The following RB1 variants were observed in gnomAD, a reference collection of about 807,000 sequenced individuals.
RB1 encodes retinoblastoma-associated protein.
In RB1, 18 loss-of-function variants were observed where a neutral mutation model predicts 135.4. That is an observed-to-expected ratio of 0.13 (90% CI 0.09 to 0.20). RB1 has a LOEUF of 0.20. RB1 is among the 10% of genes least tolerant of loss of function. RB1 has a pLI of 1.00. For missense variants in RB1, 868 were observed against 1,110.0 expected (o/e 0.78, Z 3.10); for synonymous variants, 365 against 373.2 (o/e 0.98, Z 0.25).
chr13:48,453,535 A>T (rs1213581679), intron 18 of RB1, among the ~76,000 whole-genome samples: 2 of 152,038 alleles, frequency 1.3e-5, no homozygotes, highest in African/African-American at 4.8e-5. Context: ...GAAGTATGGG[A>T]TGTGGACTAA....
chr13:48,359,964 A>G (rs558976427), intron 6 of RB1, 53 bp from the exon 7 acceptor site: 1 of 1,602,096 alleles, frequency 6.2e-7, no homozygotes, highest in East Asian at 2.2e-5. Context: ...ATTTTCTCTC[A>G]TACAAAGATC....
chr13:48,362,015 T>G (rs1952646298), intron 7 of RB1, among the ~76,000 whole-genome samples: 1 of 150,384 alleles, frequency 6.6e-6, no homozygotes, highest in Non-Finnish European at 1.5e-5. Flanking sequence ...TGGCGCGATC[T>G]CAGCTCACTG....
intron 4 of RB1, among the ~76,000 whole-genome samples, chr13:48,347,172 G>A (rs1206869627): frequency 6.6e-6 from 1 of 152,070 alleles, no homozygotes; most frequent in Non-Finnish European, 1.5e-5. Context: ...ATGTTTAAGG[G>A]TGAAGGGTAA....
intron 12 of RB1, among the ~76,000 whole-genome samples, chr13:48,375,840 A>G (rs149431409): frequency 7.2e-5 from 11 of 151,972 alleles, no homozygotes; most frequent in African/African-American, 2.7e-4. Flanking sequence ...CAGTTTTCCA[A>G]AGTGCCGGGA....
intron 13 of RB1, among the ~76,000 whole-genome samples, chr13:48,377,993 A>T (rs1342576210): frequency 6.6e-6 from 1 of 152,178 alleles, no homozygotes; most frequent in Non-Finnish European, 1.5e-5. Flanking sequence ...AAAATGGAAC[A>T]TTTGCACAGA....
At chr13:48,370,512 C>T (rs1260624857) in intron 11 of RB1, among the ~76,000 whole-genome samples, 3 of 152,050 alleles carry the variant, frequency 2.0e-5, no homozygotes, top group Non-Finnish European at 2.9e-5. Context: ...CTCTTAGGTT[C>T]GATTAATTTG....
rs976817741 is a variant in RB1, at chr13:48,319,362, T to C, written c.264+11956T>C. 15 of 478,794 alleles carry C rather than the reference T, an allele frequency of 3.1e-5. No homozygotes were observed. Among genetic ancestry groups the C allele is most frequent in the Non-Finnish European group, 4.6e-5 (12 of 259,714 alleles). 29.7% of individuals were successfully genotyped at this position (478,794 alleles called of 1,614,324 possible). ...GGCCTCCTTGCGTGTTTGCCGCAGCTAGTACACCTGGATGGCCTCCTCAGT... is the reference window on the plus strand; with the variant it reads ...GGCCTCCTTGCGTGTTTGCCGCAGCCAGTACACCTGGATGGCCTCCTCAGT... On this transcript the variant is annotated intron_variant, in intron 2 of 26. Coordinates refer to ENST00000267163, the MANE Select transcript of RB1 (RefSeq NM_000321.3). The surrounding 1 kb of genome is among the most constrained non-coding windows in gnomAD (Gnocchi z 5.0).
rs746898789 is a variant in RB1 at position 48,319,243 on chromosome 13, G to T, written c.264+11837G>T. On this transcript the variant is annotated intron_variant, in intron 2 of 26. Transcript: ENST00000267163. This position sits in a 1 kb window ranked among gnomAD's most constrained non-coding sequence, Gnocchi z 5.0. Reference sequence around the variant, plus strand: ...CTGGGTGTTTTCCTGTGGGTCTCGCGCAAGGCACTTTTTTGTGGCGCTGCT... The same window carrying T: ...CTGGGTGTTTTCCTGTGGGTCTCGCTCAAGGCACTTTTTTGTGGCGCTGCT... The T allele has an allele frequency of 2.5e-6, 2 of 808,992 alleles. No homozygotes were observed. The highest frequency in any genetic ancestry group is 3.7e-6 in the Non-Finnish European group (2 of 537,958). The allele number at this position is 808,992 out of a possible 1,614,324, so 50.1% of individuals were successfully genotyped here. A position where few individuals can be genotyped will look rare whatever the true frequency, so the allele number is the denominator to read the frequency against.
Position 48,307,453 on chromosome 13 carries a change from A to G in RB1, c.264+47A>G, listed in dbSNP as rs775506422. The G allele has an allele frequency of 3.9e-6, 6 of 1,556,944 alleles. No individual in the cohort carries two copies. The South Asian group carries it at 6.8e-5, about 18-fold the overall frequency. ...TTTGAAATTTTTTTTTCTCATTTTA[A>G]AAACAACTTCAAATCACTATACAAA... On this transcript the variant is annotated intron_variant, in intron 2 of 26. Coordinates refer to ENST00000267163, the MANE Select transcript of RB1 (RefSeq NM_000321.3).
intron 2 of RB1, chr13:48,317,339 C>T (rs949336868): frequency 1.0e-5 from 4 of 388,132 alleles, no homozygotes; most frequent in Non-Finnish European, 1.8e-5. Context: ...TTCCCGCTCC[C>T]GACGCCCCGC....
At chr13:48,304,580 T>C (rs931265979) in intron 1 of RB1, among the ~76,000 whole-genome samples, 4 of 152,042 alleles carry the variant, frequency 2.6e-5, no homozygotes, top group Non-Finnish European at 5.9e-5. Context: ...GTCCTGAGTG[T>C]CCATTGCCCA....
intron 6 of RB1, among the ~76,000 whole-genome samples, chr13:48,356,598 G>C (rs1952594061): frequency 6.6e-6 from 1 of 151,850 alleles, no homozygotes; most frequent in Non-Finnish European, 1.5e-5. Flanking sequence ...TCCATTTTCA[G>C]ATTAGTCCAT....
chr13:48,438,997 T>C (rs1356409647), intron 17 of RB1, among the ~76,000 whole-genome samples: 1 of 152,170 alleles, frequency 6.6e-6, no homozygotes, highest in Non-Finnish European at 1.5e-5. Context: ...TTGTGGCCAG[T>C]GGAACTAATT....
At position 48,481,411 on chromosome 13, in the gene RB1, T is replaced by C. The variant is rs1185569278; in HGVS notation, c.*1340T>C. 4.3e-6 allele frequency: 1 copy of C among 231,550 alleles called. No homozygotes were observed. Among genetic ancestry groups the C allele is most frequent in the African/African-American group, 2.2e-5 (1 of 45,270 alleles). 14.3% of individuals were successfully genotyped at this position (231,550 alleles called of 1,614,324 possible). Reference sequence around the variant, plus strand: ...GTGTGATTAACTTATTTAGAGATGCTGTAACTTAAAATAGGGGATATTTAA... The same window carrying C: ...GTGTGATTAACTTATTTAGAGATGCCGTAACTTAAAATAGGGGATATTTAA... On this transcript the variant is annotated 3_prime_UTR_variant, in exon 27 of 27. Coordinates refer to ENST00000267163, the MANE Select transcript of RB1 (RefSeq NM_000321.3).
chr13:48,339,685 C>T (rs190130236), intron 2 of RB1, among the ~76,000 whole-genome samples: 1 of 152,156 alleles, frequency 6.6e-6, no homozygotes. Flanking sequence ...CTTTCCTGCA[C>T]CCACTGTCTG....
chr13:48,320,023 C>T (rs536575573), intron 2 of RB1: 2 of 450,374 alleles, frequency 4.4e-6, no homozygotes, highest in South Asian at 5.5e-5. Flanking sequence ...CTGCGCCTGG[C>T]TGGCCCCTGC....
chr13:48,338,387 C>G (rs141040292), intron 2 of RB1, among the ~76,000 whole-genome samples: 76 of 152,286 alleles, frequency 5.0e-4, no homozygotes, highest in African/African-American at 1.8e-3. Context: ...TCTTTTTACT[C>G]TTTTTTCTCT....
At chr13:48,317,415 G>A in intron 2 of RB1, 1 of 370,636 alleles carries the variant, frequency 2.7e-6, no homozygotes. Flanking sequence ...AGTCGCTCGA[G>A]GGCAGGGTGT....
At chr13:48,375,519 T>A (rs546302579) in intron 12 of RB1, among the ~76,000 whole-genome samples, 2 of 150,736 alleles carry the variant, frequency 1.3e-5, no homozygotes, top group African/African-American at 2.4e-5. Context: ...TATTCTAGAA[T>A]GTGAAAATGT....
Sources: allele counts gnomAD v4.1 joint callset (sites outside exome capture counted in the v4.1 genomes callset), GRCh38; gene constraint gnomAD v4.1.1; non-coding constraint Gnocchi (gnomAD v3.1); transcripts MANE v1.5; gene names NCBI Gene and HGNC (gene_info 2026-07-23, HGNC 2026-07-21).